The following JAK2 variants were observed in gnomAD, a reference collection of about 807,000 sequenced individuals.
The protein encoded by JAK2 is Janus kinase 2, also known as tyrosine-protein kinase JAK2.
A neutral mutation model predicts 139.3 loss-of-function variants in JAK2; 86 were observed. The observed-to-expected ratio is 0.62, with a 90% confidence interval of 0.52 to 0.74. The LOEUF (loss-of-function observed/expected upper bound fraction) is 0.74. Among genes scored for constraint, JAK2 ranks in the 30% least tolerant of loss-of-function variants. JAK2 has a pLI of 0.00. For missense variants in JAK2, 1,421 were observed against 1,360.3 expected (o/e 1.04, Z -0.70); for synonymous variants, 490 against 437.7 (o/e 1.12, Z -1.49).
At chr9:5,112,420 C>T (rs569968804) in intron 22 of JAK2, 15 of 488,212 alleles carry the variant, frequency 3.1e-5, no homozygotes, top group African/African-American at 1.8e-4. Context: ...GAGAACACGT[C>T]GGCGGCTGAC....
chr9:5,045,165 T>G (rs1016873178), intron 5 of JAK2, among the ~76,000 whole-genome samples: 26 of 152,300 alleles, frequency 1.7e-4, no homozygotes, highest in African/African-American at 6.0e-4. Context: ...GCTAGACTAG[T>G]AGGAATAGAA....
intron 22 of JAK2, chr9:5,098,405 C>G (rs1586789507): frequency 6.6e-6 from 1 of 152,196 alleles, no homozygotes; most frequent in African/African-American, 2.4e-5. Context: ...GAACCGCTCA[C>G]TTTCCGTGAC....
chr9:5,076,952 GT>G (rs1819346857), intron 14 of JAK2, among the ~76,000 whole-genome samples: 1 of 149,250 alleles, frequency 6.7e-6, no homozygotes, highest in South Asian at 2.1e-4. Context: ...TTTTAAAAAA[GT>G]TTTAAAGATA....
At chr9:5,080,750 C>A (rs1819631900) in intron 18 of JAK2, 67 bp downstream of exon 18, 2 of 1,227,094 alleles carry the variant, frequency 1.6e-6, no homozygotes, top group Admixed American at 5.4e-5. Context: ...TGAATCATTA[C>A]TAATTTTTAA....
At chr9:5,057,555 A>G (rs1441128284) in intron 8 of JAK2, among the ~76,000 whole-genome samples, 2 of 148,212 alleles carry the variant, frequency 1.3e-5, no homozygotes, top group African/African-American at 5.0e-5. Context: ...CCTCTTCCCA[A>G]TCCTTGCAAC....
intron 22 of JAK2, 24 bp from the exon 23 acceptor site, chr9:5,122,980 T>C: frequency 6.8e-7 from 1 of 1,466,616 alleles, no homozygotes; most frequent in Non-Finnish European, 9.4e-7. Flanking sequence ...AACTGTCTTT[T>C]AAATGTTATT....
chr9:5,051,726 G>C (rs556483816), intron 6 of JAK2, among the ~76,000 whole-genome samples: 1 of 152,138 alleles, frequency 6.6e-6, no homozygotes, highest in Non-Finnish European at 1.5e-5. Context: ...TACATCATGA[G>C]TGTGGTTAAA....
At chr9:5,004,067 T>C (rs1327977514) in intron 2 of JAK2, among the ~76,000 whole-genome samples, 1 of 152,198 alleles carries the variant, frequency 6.6e-6, no homozygotes, top group Non-Finnish European at 1.5e-5. Context: ...TTTTGTTATA[T>C]GTATACATTG....
In JAK2 at chr9:5,090,735, A is replaced by G; in HGVS notation, c.2887-4A>G. 1.3e-6 allele frequency: 2 copies of G among 1,586,330 alleles called. No individual in the cohort carries two copies. Among genetic ancestry groups the G allele is most frequent in the South Asian group, 1.2e-5 (1 of 85,290 alleles). On this transcript the variant is annotated splice_region_variant and splice_polypyrimidine_tract_variant and intron_variant, in intron 21 of 24. Coordinates refer to ENST00000381652, the MANE Select transcript of JAK2 (RefSeq NM_004972.4). ...TAGCTGAAAGAAAAATGTTTTATCC[A>G]TAGGGTATGGAGTATCTTGGTACAA... is the stretch of plus-strand genomic sequence containing the variant.
chr9:5,102,449 C>A (rs1376586685), intron 22 of JAK2, among the ~76,000 whole-genome samples: 1 of 152,098 alleles, frequency 6.6e-6, no homozygotes, highest in Non-Finnish European at 1.5e-5. Flanking sequence ...GAGAATGGAA[C>A]CAAGCTGGAA....
intron 5 of JAK2, among the ~76,000 whole-genome samples, chr9:5,044,866 G>A (rs1246261105): frequency 6.6e-6 from 1 of 152,042 alleles, no homozygotes; most frequent in Non-Finnish European, 1.5e-5. Context: ...TTTCTTTATG[G>A]TTTTTAAAAA....
rs1824022471 is a variant in JAK2, at chr9:5,126,723, A to C, written c.3331A>C (p.Asn1111His). The C allele has an allele frequency of 6.2e-7, 1 of 1,611,044 alleles. No individual in the cohort carries two copies. The highest frequency in any genetic ancestry group is 1.1e-5 in the South Asian group (1 of 90,934). The change falls in exon 25 of 25, where the codon AAT becomes CAT. Residue 1111 changes from asparagine (N) to histidine (H), a missense_variant. Physicochemically the swap from Asn to His is moderately conservative, Grantham distance 68. Coordinates refer to ENST00000381652, the MANE Select transcript of JAK2 (RefSeq NM_004972.4). ...IMTECWNNNV[N>H]QRPSFRDLAL... Reference sequence around the variant, plus strand: ...GACAGAATGCTGGAACAATAATGTAAATCAACGCCCCTCCTTTAGGGATCT... The same window carrying C: ...GACAGAATGCTGGAACAATAATGTACATCAACGCCCCTCCTTTAGGGATCT...
rs1186936133 is a variant in JAK2 at position 5,090,723 on chromosome 9, A to G, written c.2887-16A>G. The G allele has an allele frequency of 1.9e-6, 3 of 1,572,086 alleles. No homozygotes were observed. The highest frequency in any genetic ancestry group is 2.6e-6 in the Non-Finnish European group (3 of 1,165,750). On this transcript the variant is annotated splice_polypyrimidine_tract_variant and intron_variant, in intron 21 of 24. Coordinates refer to ENST00000381652, the MANE Select transcript of JAK2 (RefSeq NM_004972.4). Reference sequence around the variant, plus strand: ...TATTTATAAAACTAGCTGAAAGAAAAATGTTTTATCCATAGGGTATGGAGT... The same window carrying G: ...TATTTATAAAACTAGCTGAAAGAAAGATGTTTTATCCATAGGGTATGGAGT...
intron 22 of JAK2, chr9:5,100,098 A>G (rs953582760): frequency 2.0e-5 from 3 of 152,218 alleles, no homozygotes; most frequent in African/African-American, 7.2e-5. Flanking sequence ...CACTAGTACT[A>G]TTAGCTATTA....
intron 22 of JAK2, chr9:5,097,100 C>T (rs1481632820): frequency 6.6e-6 from 1 of 152,120 alleles, no homozygotes; most frequent in African/African-American, 2.4e-5. Context: ...GTGGGTCTTA[C>T]CATCTTCTCA....
At chr9:5,089,560 AAAAAAGAC>A (rs1306698558) in intron 19 of JAK2, 106 bp from the exon 20 acceptor site, 17 of 365,418 alleles carry the variant, frequency 4.7e-5, no homozygotes, top group Admixed American at 1.5e-4. Context: ...AAAAAAAAAA[AAAAAAGAC>A]AGTCTGCTAA....
At chr9:5,076,565 G>T (rs1268124263) in intron 14 of JAK2, among the ~76,000 whole-genome samples, 1 of 152,046 alleles carries the variant, frequency 6.6e-6, no homozygotes, top group Non-Finnish European at 1.5e-5. Context: ...ACACTAAATA[G>T]ACTCCATTAT....
intron 9 of JAK2, among the ~76,000 whole-genome samples, chr9:5,065,354 CT>C (rs1818495650): frequency 6.6e-6 from 1 of 152,134 alleles, no homozygotes; most frequent in African/African-American, 2.4e-5. Context: ...TTTTAAAATA[CT>C]GCAAGGAAGC....
chr9:5,105,344 T>G (rs565325112), intron 22 of JAK2, among the ~76,000 whole-genome samples: 3 of 152,090 alleles, frequency 2.0e-5, no homozygotes, highest in Admixed American at 1.3e-4. Flanking sequence ...GAATCCAACT[T>G]ACAAGAGATG....
Sources: gnomAD v4.1 joint callset for allele counts (sites outside exome capture counted in the v4.1 genomes callset) on GRCh38, gnomAD v4.1.1 for gene constraint, MANE v1.5 for transcripts, NCBI Gene and HGNC (gene_info 2026-07-23, HGNC 2026-07-21) for gene names.